The following WDR1 variants were observed in gnomAD, a reference collection of about 807,000 sequenced individuals.
The protein encoded by WDR1 is WD repeat-containing protein 1.
In WDR1, 21 loss-of-function variants were observed where a neutral mutation model predicts 71.9. The ratio of observed to expected loss-of-function variants is 0.29; its 90% confidence interval spans 0.21 to 0.42. The LOEUF is 0.42. Among genes scored for constraint, WDR1 ranks in the 10% least tolerant of loss-of-function variants. The pLI is 1.00. For missense variants in WDR1, 696 were observed against 824.5 expected, an observed-to-expected ratio of 0.84 and a Z score of 1.91; for synonymous variants, 424 against 347.4, an observed-to-expected ratio of 1.22 and a Z score of -2.45.
intron 10 of WDR1, among the ~76,000 whole-genome samples, chr4:10,082,807 G>C (rs12640315): frequency 6.6e-6 from 1 of 152,124 alleles, no homozygotes; most frequent in South Asian, 2.1e-4. Flanking sequence ...ACACCTGGTC[G>C]TTGTCTGTGG....
chr4:10,093,606 A>G (rs1044638286), intron 5 of WDR1, among the ~76,000 whole-genome samples: 2 of 152,232 alleles, frequency 1.3e-5, no homozygotes, highest in African/African-American at 4.8e-5. Flanking sequence ...GACCATATGA[A>G]GGGACAAGAG....
intron 2 of WDR1, among the ~76,000 whole-genome samples, chr4:10,105,481 AAAG>A (rs1471097848): frequency 6.6e-6 from 1 of 152,250 alleles, no homozygotes; most frequent in Non-Finnish European, 1.5e-5. Context: ...GTGTCTATCC[AAAG>A]AAGATACTAC....
intron 5 of WDR1, chr4:10,096,396 A>G (rs1712350542): frequency 6.6e-6 from 1 of 152,238 alleles, no homozygotes; most frequent in Non-Finnish European, 1.5e-5. Flanking sequence ...ACAGCTCCCA[A>G]AATAGCCAGG....
intron 11 of WDR1, among the ~76,000 whole-genome samples, chr4:10,080,382 C>T (rs1048366038): frequency 4.6e-5 from 7 of 152,220 alleles, no homozygotes; most frequent in African/African-American, 1.7e-4. Context: ...TAGAACTCCG[C>T]TTTGTAGCGT....
intron 5 of WDR1, chr4:10,093,005 C>T: frequency 8.0e-7 from 1 of 1,249,958 alleles, no homozygotes; most frequent in Non-Finnish European, 1.0e-6. Context: ...CCCCTCCCCA[C>T]AGTCCTCACT....
intron 1 of WDR1, 22 bp downstream of exon 1, chr4:10,116,629 G>A: frequency 8.1e-7 from 1 of 1,237,548 alleles, no homozygotes; most frequent in Non-Finnish European, 1.0e-6. Flanking sequence ...GCCGCTCGGG[G>A]GCCCCGCGCC....
chr4:10,076,999 G>C lies in WDR1; in HGVS notation c.1714+305C>G, dbSNP rs762846431. ...ACACTGGACGTGGCTGTCTTAGGGA[G>C]GGGGAGACCCTGGTCCCAGGTGGGA... On this transcript the variant is annotated intron_variant, in intron 14 of 14. Coordinates refer to ENST00000499869, the MANE Select transcript of WDR1 (RefSeq NM_017491.5). 1.4e-4 allele frequency: 52 copies of C among 370,260 alleles called. 1 individual carries two copies. The highest frequency in any genetic ancestry group is 2.4e-4 in the Non-Finnish European group (48 of 202,394). 22.9% of individuals were successfully genotyped at this position (370,260 alleles called of 1,614,324 possible).
chr4:10,103,873 C>G (rs370976279), intron 3 of WDR1, 23 bp downstream of exon 3: 3 of 1,553,736 alleles, frequency 1.9e-6, no homozygotes, highest in Admixed American at 1.9e-5. Context: ...CAGGTGTCCA[C>G]GAGCCTTGCC....
At chr4:10,106,975 C>T (rs943094130) in intron 2 of WDR1, among the ~76,000 whole-genome samples, 1 of 152,134 alleles carries the variant, frequency 6.6e-6, no homozygotes, top group African/African-American at 2.4e-5. Flanking sequence ...CTCCCCCCAG[C>T]CTCCTCCCCC....
Position 10,109,556 on chromosome 4 carries a change from C to T in WDR1, c.139-5570G>A, listed in dbSNP as rs572963147. On this transcript the variant is annotated intron_variant, in intron 2 of 14. Coordinates refer to ENST00000499869, the MANE Select transcript of WDR1 (RefSeq NM_017491.5). ...GGGTGGTCACTCACAGGCCGCCATG[C>T]CCTGAACGACTTTCCCCTCCTGCCT... 3.4e-3 allele frequency among the ~76,000 whole-genome samples: 517 copies of T among 152,370 alleles called. 2 individuals are homozygous for T. Among genetic ancestry groups the T allele is most frequent in the Middle Eastern group, 0.014 (4 of 294 alleles).
intron 2 of WDR1, among the ~76,000 whole-genome samples, chr4:10,114,470 C>T (rs978374402): frequency 1.3e-5 from 2 of 152,212 alleles, no homozygotes; most frequent in Admixed American, 6.5e-5. Flanking sequence ...GTTTAAGAAG[C>T]TATCACAGGG....
Position 10,096,112 on chromosome 4 carries a change from C to G in WDR1, c.558+1599G>C, listed in dbSNP as rs1712337535. ...ACAGCAGCCTGGTGAAGAAGACAGG[C>G]TCCAGCCCACCCCTGGAACAAACTG... On this transcript the variant is annotated intron_variant, in intron 5 of 14. Transcript: ENST00000499869. 2.0e-5 allele frequency: 3 copies of G among 152,304 alleles called. No homozygotes were observed. In the South Asian group the frequency reaches 6.2e-4, roughly 31 times the overall value. The allele number at this position is 152,304 out of a possible 1,614,324, so 9.4% of individuals were successfully genotyped here. A position where few individuals can be genotyped will look rare whatever the true frequency, so the allele number is the denominator to read the frequency against.
chr4:10,086,269 T>C (rs1239286953), intron 8 of WDR1, among the ~76,000 whole-genome samples: 1 of 152,196 alleles, frequency 6.6e-6, no homozygotes, highest in African/African-American at 2.4e-5. Flanking sequence ...CCTTCCTTTT[T>C]ATACTCATCA....
intron 5 of WDR1, among the ~76,000 whole-genome samples, chr4:10,091,152 A>T (rs1402154555): frequency 6.6e-6 from 1 of 152,262 alleles, no homozygotes; most frequent in Non-Finnish European, 1.5e-5. Context: ...GGAACGGGGA[A>T]CACAGGACTG....
At chr4:10,086,428 A>G (rs998984477) in intron 8 of WDR1, among the ~76,000 whole-genome samples, 3 of 152,198 alleles carry the variant, frequency 2.0e-5, no homozygotes, top group Admixed American at 1.3e-4. Flanking sequence ...GACTCTATGC[A>G]TGAGCGTTGA....
At chr4:10,078,780 C>T in intron 12 of WDR1, 111 bp downstream of exon 12, 1 of 926,998 alleles carries the variant, frequency 1.1e-6, no homozygotes, top group Non-Finnish European at 1.6e-6. Flanking sequence ...CCATCCTTCC[C>T]CTGACCCCTC....
intron 11 of WDR1, among the ~76,000 whole-genome samples, 190 bp from the exon 12 acceptor site, chr4:10,079,191 G>A (rs1271486146): frequency 6.6e-6 from 1 of 152,236 alleles, no homozygotes; most frequent in African/African-American, 2.4e-5. Flanking sequence ...AGTTGCTCTA[G>A]CCAGTCAGGT....
intron 2 of WDR1, among the ~76,000 whole-genome samples, chr4:10,106,118 G>T (rs757399689): frequency 1.6e-4 from 25 of 152,008 alleles, no homozygotes; most frequent in Non-Finnish European, 3.4e-4. Flanking sequence ...AGGGGTGGCG[G>T]GGGCGGGGGG....
At chr4:10,096,235 C>T (rs1201692928) in intron 5 of WDR1, 2 of 152,394 alleles carry the variant, frequency 1.3e-5, no homozygotes, top group South Asian at 4.1e-4. Context: ...CCCCCACCCA[C>T]AGCCGGCTTC....
Sources: allele counts gnomAD v4.1 joint callset (sites outside exome capture counted in the v4.1 genomes callset), GRCh38; gene constraint gnomAD v4.1.1; transcripts MANE v1.5; gene names NCBI Gene and HGNC (gene_info 2026-07-23, HGNC 2026-07-21).